The following PLCB4 variants were observed in gnomAD, a reference collection of about 807,000 sequenced individuals.
PLCB4 encodes the protein phospholipase C beta 4.
In PLCB4, 77 loss-of-function variants were observed where a neutral mutation model predicts 178.8. The observed-to-expected ratio is 0.43, with a 90% CI of 0.36 to 0.52. PLCB4 has a LOEUF of 0.52. Ranked by LOEUF, PLCB4 falls within the 20% of genes least tolerant of loss-of-function variation. The pLI is 0.00. For synonymous variants in PLCB4, 496 were observed against 490.8 expected (o/e 1.01, Z -0.14); for missense variants, 1,024 against 1,453.4 (o/e 0.70, Z 4.80).
At chr20:9,260,113 T>C (rs892649738) in intron 3 of PLCB4, among the ~76,000 whole-genome samples, 2 of 152,060 alleles carry the variant, frequency 1.3e-5, no homozygotes, top group African/African-American at 4.8e-5. Flanking sequence ...CTTTATATTA[T>C]ATTTTATATG....
At chr20:9,361,804 A>G (rs1239304022) in intron 7 of PLCB4, among the ~76,000 whole-genome samples, 2 of 152,210 alleles carry the variant, frequency 1.3e-5, no homozygotes, top group East Asian at 3.8e-4. Context: ...GCTGTCCAAC[A>G]GTCCCATCTG....
At chr20:9,340,190 G>A (rs1013137849) in intron 7 of PLCB4, among the ~76,000 whole-genome samples, 1 of 152,138 alleles carries the variant, frequency 6.6e-6, no homozygotes, top group African/African-American at 2.4e-5. Context: ...GTACAGGGAA[G>A]ATCATTTGAG....
chr20:9,290,618 GC>G, intron 3 of PLCB4, among the ~76,000 whole-genome samples: 1 of 152,268 alleles, frequency 6.6e-6, no homozygotes, highest in South Asian at 2.1e-4. Context: ...TTGAAAGTGT[GC>G]TTTGATACTG....
At chr20:9,422,171 T>G (rs1467911760) in intron 27 of PLCB4, among the ~76,000 whole-genome samples, 1 of 152,246 alleles carries the variant, frequency 6.6e-6, no homozygotes, top group East Asian at 1.9e-4. Flanking sequence ...GATTTCTTGC[T>G]GCTTCTTTAG....
chr20:9,365,842 G>C (rs2035730718), intron 9 of PLCB4, among the ~76,000 whole-genome samples: 1 of 152,190 alleles, frequency 6.6e-6, no homozygotes, highest in Non-Finnish European at 1.5e-5. Context: ...ATGAGAAACT[G>C]TTAGCTAAAC....
chr20:9,076,815 C>G (rs1426820434), intron 1 of PLCB4, among the ~76,000 whole-genome samples: 2 of 129,608 alleles, frequency 1.5e-5, no homozygotes, highest in African/African-American at 5.8e-5. Flanking sequence ...AAAGCCCTCT[C>G]TGGGATTTCT....
intron 2 of PLCB4, among the ~76,000 whole-genome samples, chr20:9,111,169 T>A (rs1435401647): frequency 6.6e-6 from 1 of 152,178 alleles, no homozygotes; most frequent in Admixed American, 6.5e-5. Context: ...GAAAGGGCTC[T>A]ATGACTCTTC....
intron 30 of PLCB4, among the ~76,000 whole-genome samples, chr20:9,440,058 T>C (rs2042016754): frequency 6.6e-6 from 1 of 152,216 alleles, no homozygotes; most frequent in Non-Finnish European, 1.5e-5. Flanking sequence ...CTGTCTTCCT[T>C]GTGGACTCTC....
At chr20:9,146,402 G>A (rs1242551609) in intron 2 of PLCB4, among the ~76,000 whole-genome samples, 1 of 152,086 alleles carries the variant, frequency 6.6e-6, no homozygotes, top group Non-Finnish European at 1.5e-5. Flanking sequence ...CTAGGGGTGA[G>A]GGAGAAAGGA....
At chr20:9,314,297 T>C (rs1022697019) in intron 4 of PLCB4, among the ~76,000 whole-genome samples, 2 of 152,108 alleles carry the variant, frequency 1.3e-5, no homozygotes, top group Admixed American at 6.5e-5. Context: ...CAGTGACAAG[T>C]GGATGTGGCT....
At chr20:9,460,381 A>G (rs2043315744) in intron 35 of PLCB4, among the ~76,000 whole-genome samples, 1 of 152,216 alleles carries the variant, frequency 6.6e-6, no homozygotes, top group Non-Finnish European at 1.5e-5. Context: ...CAGCTCCTAG[A>G]GTGACCAGGT....
At chr20:9,179,052 A>C (rs1427911294) in intron 2 of PLCB4, among the ~76,000 whole-genome samples, 2 of 152,224 alleles carry the variant, frequency 1.3e-5, no homozygotes, top group Non-Finnish European at 2.9e-5. Flanking sequence ...AGATAACTTA[A>C]AATTGACTTT....
intron 1 of PLCB4, among the ~76,000 whole-genome samples, chr20:9,088,661 TA>T (rs1384454734): frequency 6.6e-6 from 1 of 151,884 alleles, no homozygotes; most frequent in African/African-American, 2.4e-5. Flanking sequence ...TGCTAATCTG[TA>T]AAATTCTTTA....
At position 9,421,307 on chromosome 20, in the gene PLCB4, G is replaced by C; in HGVS notation, c.2165G>C (p.Gly722Ala). 6.2e-7 allele frequency: 1 copy of C among 1,613,292 alleles called. No individual in the cohort carries two copies. The highest frequency in any genetic ancestry group is 8.5e-7 in the Non-Finnish European group (1 of 1,179,484). ...TTCGTGCTGCTACAGGTTATATCAG[G>C]TCAATTCTTATCAGATAAGAAAATT... is the stretch of plus-strand genomic sequence containing the variant. ...AATCSVQVIS[G>A]QFLSDKKIGT... Residue 722 changes from glycine (G) to alanine (A), a missense_variant, in exon 27 of 40, where the codon GGT (glycine) becomes GCT (alanine). Gly to Ala is a moderately conservative substitution (Grantham distance 60). Around this residue, in one of 7 missense-constraint regions of PLCB4, gnomAD observed 227 missense variants for 374.3 expected, o/e 0.61. Coordinates refer to ENST00000378473, the MANE Select transcript of PLCB4 (RefSeq NM_001377142.1).
chr20:9,271,750 G>A (rs896198506), intron 3 of PLCB4, among the ~76,000 whole-genome samples: 2 of 152,110 alleles, frequency 1.3e-5, no homozygotes, highest in African/African-American at 2.4e-5. Context: ...AATAGCAAAT[G>A]TAGTAGAATT....
chr20:9,119,473 T>C (rs1201204378), intron 2 of PLCB4, among the ~76,000 whole-genome samples: 3 of 151,662 alleles, frequency 2.0e-5, no homozygotes, highest in Admixed American at 1.3e-4. Flanking sequence ...GTTTAATAGC[T>C]TGGAACTTAT....
At chr20:9,131,141 T>C (rs1229700219) in intron 2 of PLCB4, among the ~76,000 whole-genome samples, 1 of 152,186 alleles carries the variant, frequency 6.6e-6, no homozygotes, top group African/African-American at 2.4e-5. Context: ...TGAAGATACC[T>C]GAGAATGATC....
intron 7 of PLCB4, among the ~76,000 whole-genome samples, chr20:9,344,510 C>G (rs950795991): frequency 3.3e-5 from 5 of 152,162 alleles, no homozygotes; most frequent in African/African-American, 1.2e-4. Context: ...CAATAAAAAC[C>G]TATTCTATTG....
chr20:9,115,433 C>T (rs6056408), intron 2 of PLCB4, among the ~76,000 whole-genome samples: 98,808 of 134,786 alleles, frequency 0.73, 33,028 homozygotes, highest in Middle Eastern at 0.8. Context: ...ACTTCTTCTT[C>T]TTTTTTTTTA....
Sources: gnomAD v4.1 joint callset for allele counts (sites outside exome capture counted in the v4.1 genomes callset) on GRCh38, gnomAD v4.1.1 for gene constraint, gnomAD v4.1.1 regional missense constraint, MANE v1.5 for transcripts, NCBI Gene and HGNC (gene_info 2026-07-23, HGNC 2026-07-21) for gene names.